Variants in TLK1 observed in about 807,000 individuals in gnomAD.
TLK1 encodes the protein tousled like kinase 1.
Under a neutral mutation model 105.3 loss-of-function variants are expected in TLK1, and 24 were observed. That is an observed-to-expected ratio of 0.23 (90% CI 0.17 to 0.32). TLK1 has a LOEUF of 0.32. Among genes scored for constraint, TLK1 ranks in the 10% least tolerant of loss-of-function variants. The pLI is 1.00. For synonymous variants in TLK1, 321 were observed against 310.4 expected (o/e 1.03, Z -0.36); for missense variants, 558 against 910.5 (o/e 0.61, Z 4.98).
intron 3 of TLK1, among the ~76,000 whole-genome samples, chr2:171,071,318 C>T (rs891366834): frequency 5.3e-5 from 8 of 151,546 alleles, no homozygotes; most frequent in African/African-American, 1.7e-4. Context: ...CATGGAGTCT[C>T]GCTCTGTCGC....
intron 1 of TLK1, among the ~76,000 whole-genome samples, chr2:171,181,009 A>G (rs767735717): frequency 7.2e-5 from 11 of 152,220 alleles, no homozygotes; most frequent in Non-Finnish European, 1.3e-4. Flanking sequence ...ATTCTGTAAA[A>G]AGCTTTGAGC....
At position 171,072,006 on chromosome 2, in the gene TLK1, T is replaced by C. The variant is rs182747780; in HGVS notation, c.330+10775A>G. 4.7e-3 allele frequency among the ~76,000 whole-genome samples: 713 copies of C among 152,350 alleles called. 5 individuals are homozygous for C. The highest frequency in any genetic ancestry group is 7.5e-3 in the Admixed American group (115 of 15,302). On this transcript the variant is annotated intron_variant, in intron 3 of 20. Coordinates refer to ENST00000431350, the MANE Select transcript of TLK1 (RefSeq NM_012290.5). Reference sequence around the variant, plus strand: ...TGCTGTTTTGATTACTATAGCTTTGTAGTATAATTTGAAGTCAGGTAATGT... The same window carrying C: ...TGCTGTTTTGATTACTATAGCTTTGCAGTATAATTTGAAGTCAGGTAATGT...
At position 171,174,145 on chromosome 2, in the gene TLK1, T is replaced by C. The variant is rs959829762; in HGVS notation, c.-5-56288A>G. On this transcript the variant is annotated intron_variant, in intron 1 of 20. Coordinates refer to the TLK1 transcript ENST00000521943. ...CTTTTTCATCTTTTTAATCTTGTTG[T>C]CACCTGCCTGTTTTCCCAGTTTTAT... Among the ~76,000 whole-genome samples the C allele has an allele frequency of 7.6e-4, 116 of 152,342 alleles. 1 individual carries two copies. The highest frequency in any genetic ancestry group is 3.8e-4 in the Non-Finnish European group (26 of 68,038).
intron 3 of TLK1, among the ~76,000 whole-genome samples, chr2:171,073,200 T>C (rs1688340775): frequency 6.6e-6 from 1 of 152,178 alleles, no homozygotes; most frequent in Non-Finnish European, 1.5e-5. Context: ...TTGGATGCCC[T>C]TTACTTCTTT....
chr2:171,005,618 CT>C (rs1457012977), intron 18 of TLK1, among the ~76,000 whole-genome samples: 1 of 152,098 alleles, frequency 6.6e-6, no homozygotes, highest in Admixed American at 6.5e-5. Context: ...TACCTGTGGT[CT>C]CAGTTACTCA....
At chr2:171,009,961 T>TCAC (rs1471151332) in intron 14 of TLK1, among the ~76,000 whole-genome samples, 1 of 152,120 alleles carries the variant, frequency 6.6e-6, no homozygotes, top group Non-Finnish European at 1.5e-5. Flanking sequence ...ATATAACCCT[T>TCAC]CACTAGGACT....
At chr2:171,087,881 T>C (rs1299951708) in intron 2 of TLK1, among the ~76,000 whole-genome samples, 5 of 152,182 alleles carry the variant, frequency 3.3e-5, no homozygotes, top group Non-Finnish European at 1.5e-5. Context: ...AAGTAGAAAG[T>C]CTACACTAAA....
chr2:171,050,368 A>C (rs546046158), intron 8 of TLK1, among the ~76,000 whole-genome samples, 194 bp from the exon 9 acceptor site: 4 of 152,094 alleles, frequency 2.6e-5, no homozygotes, highest in Non-Finnish European at 5.9e-5. Context: ...TGTGTAGTGG[A>C]AAGTACATAC....
At chr2:171,117,588 T>C (rs1690487696) in intron 2 of TLK1, 151 bp downstream of exon 2, 1 of 640,708 alleles carries the variant, frequency 1.6e-6, no homozygotes. Context: ...GTATACTACA[T>C]TAAAAACGCA....
intron 18 of TLK1, among the ~76,000 whole-genome samples, chr2:170,999,170 T>C (rs1684232463): frequency 6.6e-6 from 1 of 152,256 alleles, no homozygotes; most frequent in Non-Finnish European, 1.5e-5. Context: ...CTCAAAAATT[T>C]AGATAAACTT....
At chr2:171,013,468 G>A (rs1685028677) in intron 13 of TLK1, among the ~76,000 whole-genome samples, 1 of 151,480 alleles carries the variant, frequency 6.6e-6, no homozygotes, top group Non-Finnish European at 1.5e-5. Context: ...ACCATTCCCT[G>A]CTAAGTTTTG....
Position 171,086,559 on chromosome 2 carries a change from G to A in TLK1, c.259-3707C>T, listed in dbSNP as rs138817196. On this transcript the variant is annotated intron_variant, in intron 2 of 20. Transcript: ENST00000431350. ...GAGAAATGCTTGAATCTGGGAGACA[G>A]AGGTTAAAGTGAGCAGAGATCGCAC... Among the ~76,000 whole-genome samples, 58 of 151,702 alleles carry A rather than the reference G, an allele frequency of 3.8e-4. 1 individual carries two copies. The East Asian group carries it at 5.1e-3, about 13-fold the overall frequency.
At chr2:170,998,055 TA>T (rs1684153996) in intron 18 of TLK1, among the ~76,000 whole-genome samples, 1 of 57,630 alleles carries the variant, frequency 1.7e-5, no homozygotes, top group South Asian at 1.2e-3. Context: ...TTTATCTATC[TA>T]TCTATCTATC....
chr2:170,995,769 C>A (rs1185585902), intron 20 of TLK1, among the ~76,000 whole-genome samples: 2 of 152,152 alleles, frequency 1.3e-5, no homozygotes, highest in African/African-American at 4.8e-5. Context: ...GTGGTGCGAT[C>A]TCACCTCACT....
rs553058372 is a variant in TLK1 at position 171,015,081 on chromosome 2, C to T, written c.1237-133G>A. On this transcript the variant is annotated intron_variant, in intron 12 of 20. Transcript: ENST00000431350. ...TATAAAGTACCACCGAGTTAAAAGA[C>T]CAAAGTGCTCTTTTCAATGCCGAAA... 7.5e-6 allele frequency: 5 copies of T among 664,302 alleles called. 1 individual carries two copies. Among genetic ancestry groups the T allele is most frequent in the Non-Finnish European group, 1.3e-5 (5 of 390,182 alleles). The allele number at this position is 664,302 out of a possible 1,614,324, so 41.2% of individuals were successfully genotyped here.
chr2:171,133,345 C>G (rs1691179574), intron 1 of TLK1, among the ~76,000 whole-genome samples: 1 of 152,070 alleles, frequency 6.6e-6, no homozygotes, highest in Admixed American at 6.6e-5. Flanking sequence ...GTCTGTAATC[C>G]CAGCACTTTG....
intron 18 of TLK1, 63 bp downstream of exon 18, chr2:171,006,080 CACTA>C: frequency 7.7e-7 from 1 of 1,303,276 alleles, no homozygotes; most frequent in South Asian, 2.0e-5. Context: ...AAAAAAAAAA[CACTA>C]AATTATTATA....
rs1213317802 is a variant in TLK1, at chr2:171,133,678, G to C, written c.140-15821C>G. 2.6e-5 allele frequency among the ~76,000 whole-genome samples: 4 copies of C among 151,676 alleles called. No individual in the cohort carries two copies. The South Asian group carries it at 6.2e-4, about 24-fold the overall frequency. On this transcript the variant is annotated intron_variant, in intron 1 of 20. Coordinates refer to ENST00000431350, the MANE Select transcript of TLK1 (RefSeq NM_012290.5). ...GCTTTAGACACTGATAGTTCATAGT[G>C]TCTAACTATGAACAATGATGAATAC...
rs1339958548 is a variant in TLK1 at position 171,116,175 on chromosome 2, G to A, written c.258+1564C>T. 4.6e-5 allele frequency among the ~76,000 whole-genome samples: 7 copies of A among 152,258 alleles called. No individual in the cohort carries two copies. The East Asian group carries it at 1.2e-3, about 25-fold the overall frequency. ...ACAACAAATTTAGAGAGTTCAATGT[G>A]CTATGAATTCACACAACTCCAGTTC... On this transcript the variant is annotated intron_variant, in intron 2 of 20. Transcript: ENST00000431350.
Sources: allele counts gnomAD v4.1 joint callset (sites outside exome capture counted in the v4.1 genomes callset), GRCh38; gene constraint gnomAD v4.1.1; transcripts MANE v1.5; gene names NCBI Gene and HGNC (gene_info 2026-07-23, HGNC 2026-07-21).